CCDC47: variants seen among roughly 807,000 people sequenced by gnomAD.
CCDC47 encodes coiled-coil domain containing 47.
CCDC47 carries 41 observed loss-of-function variants against 60.5 expected under a neutral mutation model. The ratio of observed to expected loss-of-function variants is 0.68; its 90% CI spans 0.53 to 0.88. The LOEUF (loss-of-function observed/expected upper bound fraction) is 0.88. Among genes scored for constraint, CCDC47 ranks in the 40% least tolerant of loss-of-function variants. The pLI, the probability that CCDC47 is intolerant of heterozygous loss-of-function variation, is 0.00. For missense variants in CCDC47, 513 were observed against 580.9 expected (o/e 0.88, Z 1.20); for synonymous variants, 195 against 190.7 (o/e 1.02, Z -0.18).
chr17:63,764,644 G>T, intron 3 of CCDC47, 96 bp downstream of exon 3: 4 of 1,028,412 alleles, frequency 3.9e-6, no homozygotes, highest in Non-Finnish European at 5.6e-6. Context: ...TCCCACTATT[G>T]CATTAACACC....
At position 63,756,291 on chromosome 17, in the gene CCDC47, CAA is replaced by C. The variant is rs2039206120; in HGVS notation, c.895_896del (p.Leu299GlyfsTer27). 3 of 1,614,132 alleles carry C rather than the reference CAA, an allele frequency of 1.9e-6. No individual in the cohort carries two copies. Among genetic ancestry groups the C allele is most frequent in the South Asian group, 1.1e-5 (1 of 91,074 alleles). On this transcript the variant is annotated frameshift_variant, in exon 8 of 13. Transcript: ENST00000225726. LOFTEE classifies it high-confidence loss of function. ...SGAKYGLPDS[L>X]AILSEMGEVT... ...CTTCTCCCATCTCTGACAGGATGGC[CAA>C]AGAGTCCGGCAGTCCATACTTTGCT...
chr17:63,764,080 A>C lies in CCDC47; in HGVS notation c.483T>G (p.Ser161Arg). 6.2e-7 allele frequency: 1 copy of C among 1,613,470 alleles called. No homozygotes were observed. The highest frequency in any genetic ancestry group is 8.5e-7 in the Non-Finnish European group (1 of 1,179,902). The change falls in exon 4 of 13, where the codon AGT becomes AGG. Residue 161 changes from serine to arginine, a missense_variant. Ser to Arg is a moderately radical substitution (Grantham distance 110, BLOSUM62 -1). Transcript: ENST00000225726. Reference sequence around the variant, plus strand: ...TGTTAAACCAGGCCTGTGCAAGGCGACTGTTTTTATTCTTCCCAATGATGT... The same window carrying C: ...TGTTAAACCAGGCCTGTGCAAGGCGCCTGTTTTTATTCTTCCCAATGATGT... The part of the protein sequence containing the change: ...MNYIIGKNKN[S>R]RLAQAWFNTH...
chr17:63,750,002 T>A (rs939688401), intron 12 of CCDC47, among the ~76,000 whole-genome samples: 14 of 152,032 alleles, frequency 9.2e-5, no homozygotes, highest in African/African-American at 2.9e-4. Flanking sequence ...AGCTTTCATA[T>A]CATATACTGG....
rs2039234578 is a variant in CCDC47 at position 63,759,508 on chromosome 17, AATATATATATATATATATT to A, written c.735+1387_735+1405del. Among the ~76,000 whole-genome samples the A allele has an allele frequency of 4.6e-4, 9 of 19,648 alleles. No homozygotes were observed. The African/African-American group carries it at 6.5e-3, about 14-fold the overall frequency. 12.9% of individuals were successfully genotyped at this position (19,648 alleles called of 152,430 possible). On this transcript the variant is annotated intron_variant, in intron 6 of 12. Transcript: ENST00000225726. ...TGTCTCCCAAAAAAAAAAAAAAAAA[AATATATATATATATATATT>A]TATATATATATATATATATATATAT...
chr17:63,751,785 T>A, intron 12 of CCDC47, 155 bp downstream of exon 12: 1 of 757,786 alleles, frequency 1.3e-6, no homozygotes, highest in East Asian at 2.6e-5. Context: ...GAAGGATTAT[T>A]TATTCTTCTT....
intron 9 of CCDC47, 74 bp from the exon 10 acceptor site, chr17:63,752,873 A>G (rs1052376337): frequency 1.6e-5 from 25 of 1,554,994 alleles, no homozygotes; most frequent in African/African-American, 6.9e-5. Flanking sequence ...CACCCAATAC[A>G]CTTAGATGAA....
intron 6 of CCDC47, among the ~76,000 whole-genome samples, chr17:63,759,574 TATAA>T (rs1860804129): frequency 1.9e-4 from 16 of 84,364 alleles, no homozygotes; most frequent in South Asian, 8.8e-4. Flanking sequence ...TATATATATA[TATAA>T]AACAATGATT....
At chr17:63,760,441 G>T (rs2039249968) in intron 6 of CCDC47, among the ~76,000 whole-genome samples, 1 of 152,212 alleles carries the variant, frequency 6.6e-6, no homozygotes, top group Admixed American at 6.5e-5. Context: ...AGTGGAAGAT[G>T]ATGCTCTGTC....
chr17:63,756,549 C>G lies in CCDC47; in HGVS notation c.757G>C (p.Asp253His). The G allele has an allele frequency of 6.2e-7, 1 of 1,613,212 alleles. No individual in the cohort carries two copies. Among genetic ancestry groups the G allele is most frequent in the Non-Finnish European group, 8.5e-7 (1 of 1,179,220 alleles). ...AATACGTAGGTATCCATGTCTTCATCATTCATGGTTACTTTTATTTGCTTT... is the reference window on the plus strand; with the variant it reads ...AATACGTAGGTATCCATGTCTTCATGATTCATGGTTACTTTTATTTGCTTT... ...DQVQIKVTMN[D>H]EDMDTYVFAV... The change falls in exon 7 of 13, where the codon GAT becomes CAT. Residue 253 changes from aspartate to histidine, a missense_variant. Asp to His is a moderately conservative substitution (Grantham distance 81). Transcript: ENST00000225726.
chr17:63,767,833 C>T lies in CCDC47; in HGVS notation c.-19-1639G>A, dbSNP rs186309152. On this transcript the variant is annotated intron_variant, in intron 1 of 12. Transcript: ENST00000225726. ...CATCAGGTATCTGAATTTCTCTATT[C>T]GTATATTAATATCAATCACATTTTT... Among the ~76,000 whole-genome samples, 301 of 152,180 alleles carry T rather than the reference C, an allele frequency of 2.0e-3. 3 individuals carry two copies. The highest frequency in any genetic ancestry group is 7.6e-4 in the Non-Finnish European group (52 of 68,008).
At chr17:63,752,267 G>C in intron 11 of CCDC47, 53 bp downstream of exon 11, 1 of 1,461,814 alleles carries the variant, frequency 6.8e-7, no homozygotes, top group South Asian at 1.2e-5. Context: ...CCTCCCCCTT[G>C]AGAAGAAACA....
intron 9 of CCDC47, among the ~76,000 whole-genome samples, chr17:63,753,831 G>A (rs769354617): frequency 6.6e-6 from 1 of 152,148 alleles, no homozygotes; most frequent in African/African-American, 2.4e-5. Flanking sequence ...TATGGACTGG[G>A]GCATGGTGGC....
At chr17:63,760,593 C>G (rs1485969326) in intron 6 of CCDC47, among the ~76,000 whole-genome samples, 1 of 152,162 alleles carries the variant, frequency 6.6e-6, no homozygotes, top group African/African-American at 2.4e-5. Context: ...AATCCCAGCA[C>G]TTTGGGAGGC....
intron 5 of CCDC47, 54 bp downstream of exon 5, chr17:63,761,176 C>A (rs2039256485): frequency 6.2e-7 from 1 of 1,609,298 alleles, no homozygotes. Flanking sequence ...CTGGGAATCA[C>A]AACTGGACAA....
chr17:63,760,861 A>G, intron 6 of CCDC47, 53 bp downstream of exon 6: 1 of 1,283,808 alleles, frequency 7.8e-7, no homozygotes, highest in Non-Finnish European at 1.1e-6. Context: ...AAAGAAAGAA[A>G]GAAAACAAAT....
intron 8 of CCDC47, 76 bp downstream of exon 8, chr17:63,756,164 T>G: frequency 1.1e-6 from 1 of 942,724 alleles, no homozygotes; most frequent in South Asian, 1.3e-5. Flanking sequence ...ATGATGAACT[T>G]GTACAATGAG....
chr17:63,769,251 GA>G (rs113701799), intron 1 of CCDC47, among the ~76,000 whole-genome samples: 2,537 of 137,126 alleles, frequency 0.019, 73 homozygotes, highest in African/African-American at 0.061. Context: ...CTGTCTAAAA[GA>G]AAAAAAAAAA....
At position 63,752,359 on chromosome 17, in the gene CCDC47, A is replaced by C. The variant is rs747806594; in HGVS notation, c.1164T>G (p.Tyr388Ter). ...GGAACTTTTTGGCTTTATCAATAGA[A>C]TAAATCACCATGTTCATCAGGGGTA... ...ALLPLMNMVI[Y>*]SIDKAKKFRL... is the part of the protein sequence containing the mutation. The change falls in exon 11 of 13, where the codon TAT becomes TAG. Residue 388 changes from tyrosine (Y) to a stop codon, truncating the protein, a stop_gained. Coordinates refer to ENST00000225726, the MANE Select transcript of CCDC47 (RefSeq NM_020198.3). LOFTEE classifies it high-confidence loss of function. 12 of 1,614,014 alleles carry C rather than the reference A, an allele frequency of 7.4e-6. No homozygotes were observed.
chr17:63,764,616 G>T, intron 3 of CCDC47, 124 bp downstream of exon 3: 4 of 764,128 alleles, frequency 5.2e-6, no homozygotes, highest in Non-Finnish European at 7.8e-6. Context: ...AAAAATTGAT[G>T]TCAAGCTCCT....
Sources: gnomAD v4.1 joint callset for allele counts (sites outside exome capture counted in the v4.1 genomes callset) on GRCh38, gnomAD v4.1.1 for gene constraint, MANE v1.5 for transcripts, NCBI Gene and HGNC (gene_info 2026-07-23, HGNC 2026-07-21) for gene names.